The following FAM161B variants were observed in gnomAD, a reference collection of about 807,000 sequenced individuals.
FAM161B encodes FAM161 centrosomal protein B.
Under a neutral mutation model 61.5 loss-of-function variants are expected in FAM161B, and 46 were observed. The ratio of observed to expected loss-of-function variants is 0.75; its 90% confidence interval spans 0.59 to 0.96. FAM161B has a LOEUF of 0.96. Among genes scored for constraint, FAM161B ranks in the 40% least tolerant of loss-of-function variants. FAM161B has a pLI of 0.00. For missense variants in FAM161B, 774 were observed against 800.7 expected, an observed-to-expected ratio of 0.97 and a Z score of 0.40; for synonymous variants, 284 against 302.7, an observed-to-expected ratio of 0.94 and a Z score of 0.64.
In FAM161B at chr14:73,934,270, C is replaced by A. The variant is rs369764532; in HGVS notation, c.1930G>T (p.Val644Leu). Residue 644 changes from valine to leucine, a missense_variant, in exon 9 of 9, where the codon GTA (valine) becomes TTA (leucine). Val to Leu is a conservative substitution (Grantham distance 32). Transcript: ENST00000286544. ...AAGTGTAGTGATTAAGCAAGTGATACGAGATTTTCTGGTGACTGATGAGAC... is the reference window on the plus strand; with the variant it reads ...AAGTGTAGTGATTAAGCAAGTGATAAGAGATTTTCTGGTGACTGATGAGAC... ...ELSHQSPENLVSLA is the reference protein window; with the variant it reads ...ELSHQSPENLLSLA 2.5e-6 allele frequency: 4 copies of A among 1,611,076 alleles called. No individual in the cohort carries two copies. Among genetic ancestry groups the A allele is most frequent in the African/African-American group, 1.3e-5 (1 of 74,876 alleles).
downstream of FAM161B, among the ~76,000 whole-genome samples, chr14:73,930,972 A>C (rs757760262): frequency 2.6e-5 from 4 of 152,188 alleles, no homozygotes; most frequent in Non-Finnish European, 5.9e-5. Flanking sequence ...AGCCTTGTGT[A>C]TAGAGTAGAA....
At chr14:73,938,475 T>A (rs1259284964) in intron 5 of FAM161B, among the ~76,000 whole-genome samples, 1 of 147,556 alleles carries the variant, frequency 6.8e-6, no homozygotes, top group Non-Finnish European at 1.5e-5. Context: ...ATAATAATAA[T>A]AAAATAAAAT....
At position 73,934,390 on chromosome 14, in the gene FAM161B, G is replaced by C. The variant is rs771494085; in HGVS notation, c.1810C>G (p.Gln604Glu). Residue 604 changes from glutamine (Q) to glutamate (E), a missense_variant, in exon 9 of 9, where the codon CAA becomes GAA. Transcript: ENST00000286544. ...CTGATGCTGAGTTTTGTAGTTTCTT[G>C]GAACCTGCAGAATAAATTAAAACAT... ...ETKIKDFPRF[Q>E]ETTKLSIRDP... 1.8e-5 allele frequency: 29 copies of C among 1,596,256 alleles called. No homozygotes were observed. Among genetic ancestry groups the C allele is most frequent in the Non-Finnish European group, 2.3e-5 (27 of 1,175,518 alleles).
the FAM161B span, among the ~76,000 whole-genome samples, chr14:73,925,415 C>T: frequency 6.6e-6 from 1 of 151,588 alleles, no homozygotes; most frequent in Non-Finnish European, 1.5e-5. Flanking sequence ...GCAGCTCACA[C>T]CTGTCTCCTA....
rs1471354646 is a variant in FAM161B, at chr14:73,934,025, TTGGCTGGACTGGTCTC to T, written c.*215_*230del. 5.0e-6 allele frequency: 2 copies of T among 399,594 alleles called. No individual in the cohort carries two copies. The highest frequency in any genetic ancestry group is 4.2e-5 in the African/African-American group (2 of 47,706). The allele number at this position is 399,594 out of a possible 1,614,324, so 24.8% of individuals were successfully genotyped here. Reference sequence around the variant, plus strand: ...TTAGTAGAGGTGGAGTTTTGCCGTGTTGGCTGGACTGGTCTCAAACTCCTGACCTCAGATGATCTGC... The same window carrying T: ...TTAGTAGAGGTGGAGTTTTGCCGTGTAAACTCCTGACCTCAGATGATCTGC... On this transcript the variant is annotated 3_prime_UTR_variant, in exon 9 of 9. Transcript: ENST00000286544.
chr14:73,934,219 T>G lies in FAM161B; in HGVS notation c.*37A>C, dbSNP rs769070897. 2.5e-6 allele frequency: 4 copies of G among 1,600,312 alleles called. No homozygotes were observed. The highest frequency in any genetic ancestry group is 2.7e-5 in the African/African-American group (2 of 74,004). On this transcript the variant is annotated 3_prime_UTR_variant, in exon 9 of 9. Transcript: ENST00000286544. ...TTGACTCAAACCCAAGTTAGCTGCTTAATATTTTTCAAAAGCAGTAATTTT... is the reference window on the plus strand; with the variant it reads ...TTGACTCAAACCCAAGTTAGCTGCTGAATATTTTTCAAAAGCAGTAATTTT...
At chr14:73,923,349 T>A in the FAM161B span, 27 of 1,599,348 alleles carry the variant, frequency 1.7e-5, no homozygotes, top group Non-Finnish European at 2.2e-5. Context: ...GATAGGTGTA[T>A]CTCTGGATTC....
intron 4 of FAM161B, among the ~76,000 whole-genome samples, chr14:73,941,565 A>G (rs992058084): frequency 2.0e-5 from 3 of 152,218 alleles, no homozygotes; most frequent in Non-Finnish European, 4.4e-5. Flanking sequence ...TAAAGTTTTT[A>G]GTCAAATGAG....
At chr14:73,946,639 C>T in intron 1 of FAM161B, 34 bp from the exon 2 acceptor site, 1 of 1,584,958 alleles carries the variant, frequency 6.3e-7, no homozygotes, top group Non-Finnish European at 8.6e-7. Flanking sequence ...GTGGGTCAAA[C>T]AATAATTTCA....
chr14:73,931,172 T>G (rs117784344), downstream of FAM161B, among the ~76,000 whole-genome samples: 458 of 152,334 alleles, frequency 3.0e-3, no homozygotes, highest in Non-Finnish European at 4.7e-3. Flanking sequence ...TATAAGATTT[T>G]GGTTCCACCA....
intron 5 of FAM161B, among the ~76,000 whole-genome samples, chr14:73,938,794 A>T (rs2055993874): frequency 6.6e-6 from 1 of 152,040 alleles, no homozygotes; most frequent in Non-Finnish European, 1.5e-5. Flanking sequence ...TAAATAAATA[A>T]ATAAAATAAA....
chr14:73,943,103 G>A (rs2056033821), intron 3 of FAM161B, among the ~76,000 whole-genome samples: 1 of 151,994 alleles, frequency 6.6e-6, no homozygotes, highest in Non-Finnish European at 1.5e-5. Flanking sequence ...CCTCTCCCAG[G>A]TTTCCCCATC....
Position 73,940,919 on chromosome 14 carries a change from C to A in FAM161B, c.1400+7G>T. ...GAGCATGGGTCTCGTGCAGCCTGACCACTCACCTGACTGCAGATTCCCTCT... is the reference window on the plus strand; with the variant it reads ...GAGCATGGGTCTCGTGCAGCCTGACAACTCACCTGACTGCAGATTCCCTCT... On this transcript the variant is annotated splice_region_variant and intron_variant, in intron 5 of 8. Coordinates refer to ENST00000286544, the MANE Select transcript of FAM161B (RefSeq NM_152445.3). 1 of 1,607,328 alleles carries A rather than the reference C, an allele frequency of 6.2e-7. No homozygotes were observed. Among genetic ancestry groups the A allele is most frequent in the South Asian group, 1.1e-5 (1 of 89,974 alleles).
intron 5 of FAM161B, 77 bp from the exon 6 acceptor site, chr14:73,938,189 T>C: frequency 6.5e-7 from 1 of 1,538,820 alleles, no homozygotes; most frequent in South Asian, 1.2e-5. Flanking sequence ...CCAGGTGTGG[T>C]GGCTCACACT....
chr14:73,937,742 T>C (rs2055982333), intron 6 of FAM161B, 41 bp from the exon 7 acceptor site: 1 of 1,597,856 alleles, frequency 6.3e-7, no homozygotes, highest in Non-Finnish European at 8.6e-7. Flanking sequence ...TCATCTTTTC[T>C]AATCCAGAAT....
the FAM161B span, among the ~76,000 whole-genome samples, chr14:73,926,406 T>G: frequency 6.6e-5 from 10 of 152,048 alleles, no homozygotes; most frequent in African/African-American, 2.4e-4. Context: ...GTTATCTATT[T>G]AAGGAACTGG....
At chr14:73,927,558 CT>C (rs1213571153), downstream of FAM161B, among the ~76,000 whole-genome samples, 1 of 152,168 alleles carries the variant, frequency 6.6e-6, no homozygotes, top group Admixed American at 6.5e-5. Flanking sequence ...GAGCTTTTCT[CT>C]CCTGTATTGG....
chr14:73,934,158 C>G lies in FAM161B; in HGVS notation c.*98G>C. The G allele has an allele frequency of 7.1e-7, 1 of 1,409,886 alleles. No individual in the cohort carries two copies. Among genetic ancestry groups the G allele is most frequent in the East Asian group, 2.3e-5 (1 of 42,916 alleles). 87.3% of individuals were successfully genotyped at this position (1,409,886 alleles called of 1,614,324 possible). On this transcript the variant is annotated 3_prime_UTR_variant, in exon 9 of 9. Coordinates refer to ENST00000286544, the MANE Select transcript of FAM161B (RefSeq NM_152445.3). ...TACTCTTCATTTGTCCATCCTCTAA[C>G]AGTAGCCATGACTCAAAACCCAAGT...
At chr14:73,926,241 T>C in the FAM161B span, among the ~76,000 whole-genome samples, 3 of 152,190 alleles carry the variant, frequency 2.0e-5, no homozygotes, top group African/African-American at 4.8e-5. Flanking sequence ...CAATAATTTA[T>C]TGTATTCTCT....
Sources: gnomAD v4.1 joint callset for allele counts (sites outside exome capture counted in the v4.1 genomes callset) on GRCh38, gnomAD v4.1.1 for gene constraint, MANE v1.5 for transcripts, NCBI Gene and HGNC (gene_info 2026-07-23, HGNC 2026-07-21) for gene names.